UBE3B: variants seen among roughly 807,000 people sequenced by gnomAD.
The protein encoded by UBE3B is ubiquitin-protein ligase E3B.
Under a neutral mutation model 132.3 loss-of-function variants are expected in UBE3B, and 80 were observed. That is an observed-to-expected ratio of 0.60 (90% confidence interval 0.50 to 0.73). UBE3B has a LOEUF of 0.73. Ranked by LOEUF, UBE3B falls within the 30% of genes least tolerant of loss-of-function variation. The pLI, the probability that UBE3B is intolerant of heterozygous loss-of-function variation, is 0.00. For synonymous variants in UBE3B, 487 were observed against 520.4 expected (o/e 0.94, Z 0.87); for missense variants, 1,196 against 1,362.5 (o/e 0.88, Z 1.92).
rs918170054 is a variant in UBE3B, at chr12:109,486,470, G to A, written c.343-1G>A. On this transcript the variant is annotated splice_acceptor_variant, in intron 5 of 27. Coordinates refer to ENST00000342494, the MANE Select transcript of UBE3B (RefSeq NM_130466.4). LOFTEE classifies it high-confidence loss of function. ...GACATTCCTCTTTTTCCCACCTATA[G>A]GTGTGGTATGTGTCCCTGGCTTGTT... 1 of 1,599,874 alleles carries A rather than the reference G, an allele frequency of 6.3e-7. No homozygotes were observed. The highest frequency in any genetic ancestry group is 8.5e-7 in the Non-Finnish European group (1 of 1,174,562).
rs1880109974 is a variant in UBE3B at position 109,509,592 on chromosome 12, T to G, written c.1623-4T>G. 6.3e-7 allele frequency: 1 copy of G among 1,586,334 alleles called. No individual in the cohort carries two copies. The highest frequency in any genetic ancestry group is 8.6e-7 in the Non-Finnish European group (1 of 1,169,192). On this transcript the variant is annotated splice_polypyrimidine_tract_variant and splice_region_variant and intron_variant, in intron 15 of 27. Coordinates refer to ENST00000342494, the MANE Select transcript of UBE3B (RefSeq NM_130466.4). Reference sequence around the variant, plus strand: ...AATTGTGGGTAATTTTCTCTCTGATTTAGAATCCTTGATGACATTGAAGTT... The same window carrying G: ...AATTGTGGGTAATTTTCTCTCTGATGTAGAATCCTTGATGACATTGAAGTT...
At chr12:109,543,467 T>C in the UBE3B span, among the ~76,000 whole-genome samples, 2 of 152,104 alleles carry the variant, frequency 1.3e-5, no homozygotes, top group South Asian at 4.1e-4. Flanking sequence ...AAGGAGGTAA[T>C]AGTCCTATTC....
intron 12 of UBE3B, among the ~76,000 whole-genome samples, chr12:109,500,930 C>T (rs1047044629): frequency 1.3e-5 from 2 of 152,110 alleles, no homozygotes; most frequent in Admixed American, 6.5e-5. Context: ...CAGCAGATTC[C>T]AGGAAGTTGA....
Position 109,498,217 on chromosome 12 carries a change from C to T in UBE3B, c.820-16C>T. On this transcript the variant is annotated splice_polypyrimidine_tract_variant and intron_variant, in intron 10 of 27. Coordinates refer to ENST00000342494, the MANE Select transcript of UBE3B (RefSeq NM_130466.4). The stretch of plus-strand genomic sequence containing the variant: ...TTCTGGCAGTTTCTGATTTAACGGT[C>T]TGCTATTCTTTGCAGCGCCTCACTG... 6.2e-7 allele frequency: 1 copy of T among 1,613,568 alleles called. No homozygotes were observed. The highest frequency in any genetic ancestry group is 1.1e-5 in the South Asian group (1 of 90,834).
rs1566097675 is a variant in UBE3B, at chr12:109,511,189, G to GT, written c.1857-14dup. ...CTTCTTTTAATTCTCCCAAACCCAT[G>GT]TCTTTCTTCTCAAGGGATCTCAAAC... On this transcript the variant is annotated splice_polypyrimidine_tract_variant and intron_variant, in intron 17 of 27. Coordinates refer to ENST00000342494, the MANE Select transcript of UBE3B (RefSeq NM_130466.4). 6.2e-7 allele frequency: 1 copy of GT among 1,613,100 alleles called. No individual in the cohort carries two copies.
chr12:109,506,909 C>A (rs1879762457), intron 14 of UBE3B, among the ~76,000 whole-genome samples: 1 of 152,220 alleles, frequency 6.6e-6, no homozygotes, highest in Non-Finnish European at 1.5e-5. Flanking sequence ...TCTGATTAGA[C>A]CACATTCAAA....
intron 19 of UBE3B, 21 bp downstream of exon 19, chr12:109,516,905 A>T (rs765722215): frequency 1.2e-6 from 2 of 1,610,332 alleles, no homozygotes; most frequent in Non-Finnish European, 1.7e-6. Flanking sequence ...AGCCTATGGA[A>T]TCCTACCACA....
At chr12:109,546,089 C>G in the UBE3B span, among the ~76,000 whole-genome samples, 2 of 152,156 alleles carry the variant, frequency 1.3e-5, no homozygotes. Context: ...AATCAGTGCC[C>G]ACTCCAAACA....
At chr12:109,493,081 T>G (rs920131324) in intron 9 of UBE3B, among the ~76,000 whole-genome samples, 3 of 152,216 alleles carry the variant, frequency 2.0e-5, no homozygotes, top group Non-Finnish European at 4.4e-5. Context: ...TATAACTATT[T>G]ATCTAATAAA....
chr12:109,504,010 G>A (rs1035821538), intron 14 of UBE3B, among the ~76,000 whole-genome samples: 43 of 152,212 alleles, frequency 2.8e-4, no homozygotes, highest in African/African-American at 4.1e-4. Context: ...CAAGTTCTTC[G>A]TTCTCAAGGG....
intron 24 of UBE3B, among the ~76,000 whole-genome samples, chr12:109,528,804 G>A (rs1342302648): frequency 2.6e-5 from 4 of 151,046 alleles, no homozygotes; most frequent in African/African-American, 9.8e-5. Context: ...GAGCCGAATC[G>A]CGCCATTGCA....
At chr12:109,538,315 CTT>C (rs1387608395), downstream of UBE3B, among the ~76,000 whole-genome samples, 2 of 152,302 alleles carry the variant, frequency 1.3e-5, no homozygotes, top group Non-Finnish European at 2.9e-5. This position sits in a 1 kb window ranked among gnomAD's most constrained non-coding sequence, Gnocchi z 4.1. Flanking sequence ...CTCCTGGAAA[CTT>C]ATCAAATTGG....
At chr12:109,509,334 T>C (rs1880066763) in intron 15 of UBE3B, 1 of 263,104 alleles carries the variant, frequency 3.8e-6, no homozygotes, top group Non-Finnish European at 7.2e-6. Flanking sequence ...ATACATGTGC[T>C]GTGGTGGTTT....
the UBE3B span, among the ~76,000 whole-genome samples, chr12:109,547,518 C>T: frequency 6.6e-6 from 1 of 152,268 alleles, no homozygotes; most frequent in African/African-American, 2.4e-5. This position sits in a 1 kb window ranked among gnomAD's most constrained non-coding sequence, Gnocchi z 4.1. Context: ...AGCCGATGCC[C>T]GCTCCTCGAG....
At chr12:109,541,787 TG>T in the UBE3B span, among the ~76,000 whole-genome samples, 1 of 152,236 alleles carries the variant, frequency 6.6e-6, no homozygotes, top group Non-Finnish European at 1.5e-5. Flanking sequence ...TTCTAGCTTC[TG>T]GTGGCCCCTG....
chr12:109,490,512 A>G, intron 8 of UBE3B: 1 of 1,535,876 alleles, frequency 6.5e-7, no homozygotes, highest in African/African-American at 1.4e-5. Flanking sequence ...CTGTTTCCTG[A>G]TTTGGTTTCA....
chr12:109,515,364 T>G (rs1047069549), intron 18 of UBE3B, among the ~76,000 whole-genome samples: 11 of 151,340 alleles, frequency 7.3e-5, no homozygotes, highest in East Asian at 3.9e-4. Context: ...TTACTGTTTT[T>G]TTGTTGTTGT....
In UBE3B at chr12:109,524,083, T is replaced by TC. The variant is rs777489921; in HGVS notation, c.2472dup (p.Glu825ArgfsTer4). On this transcript the variant is annotated frameshift_variant, in exon 22 of 28. Coordinates refer to ENST00000342494, the MANE Select transcript of UBE3B (RefSeq NM_130466.4). LOFTEE classifies it high-confidence loss of function. ...GGTGGATGAACTGCCTTCTCTGGAC[T>TC]CCGAGTTCTATAAAAACCTCACCTC... 6.2e-7 allele frequency: 1 copy of TC among 1,614,196 alleles called. No homozygotes were observed. The highest frequency in any genetic ancestry group is 1.1e-5 in the South Asian group (1 of 91,082).
chr12:109,516,064 G>A (rs1416258128), intron 18 of UBE3B, among the ~76,000 whole-genome samples: 2 of 151,882 alleles, frequency 1.3e-5, no homozygotes, highest in East Asian at 3.9e-4. Context: ...TTCCCTTAAA[G>A]CAGGCACAGC....
Sources: gnomAD v4.1 joint callset for allele counts (sites outside exome capture counted in the v4.1 genomes callset) on GRCh38, gnomAD v4.1.1 for gene constraint, Gnocchi (gnomAD v3.1) non-coding constraint, MANE v1.5 for transcripts, NCBI Gene and HGNC (gene_info 2026-07-23, HGNC 2026-07-21) for gene names.